Variants in OR6J1 observed in about 807,000 individuals in gnomAD.
OR6J1 encodes the protein olfactory receptor 6J1.
For synonymous variants in OR6J1, 109 were observed against 70.0 expected (o/e 1.56, Z -2.78); for missense variants, 304 against 166.8 (o/e 1.82, Z -4.53).
rs1237235504 is a variant in OR6J1, at chr14:22,631,495, G to T, written c.*2273C>A. The T allele has an allele frequency of 6.6e-6, 1 of 152,138 alleles. No homozygotes were observed. The highest frequency in any genetic ancestry group is 1.9e-4 in the East Asian group (1 of 5,198). The allele number at this position is 152,138 out of a possible 1,614,324, so 9.4% of individuals were successfully genotyped here. On this transcript the variant is annotated 3_prime_UTR_variant, in exon 2 of 2. Transcript: ENST00000540461. ...GCTCTGTTCCCCCCGGCTCACCAGCGGTCAGAGTTTAAGGTTGTCTCTCTT... is the reference window on the plus strand; with the variant it reads ...GCTCTGTTCCCCCCGGCTCACCAGCTGTCAGAGTTTAAGGTTGTCTCTCTT...
rs941266408 is a variant in OR6J1 at position 22,632,582 on chromosome 14, A to C, written c.*1186T>G. On this transcript the variant is annotated 3_prime_UTR_variant, in exon 2 of 2. Transcript: ENST00000540461. Reference sequence around the variant, plus strand: ...CTCCGTCTCAAAACAAAAACAAAACAGATTCTTTCCAGGTGTATGGAGCCA... The same window carrying C: ...CTCCGTCTCAAAACAAAAACAAAACCGATTCTTTCCAGGTGTATGGAGCCA... 1 of 152,274 alleles carries C rather than the reference A, an allele frequency of 6.6e-6. No homozygotes were observed. The highest frequency in any genetic ancestry group is 2.4e-5 in the African/African-American group (1 of 41,436). 9.4% of individuals were successfully genotyped at this position (152,274 alleles called of 1,614,324 possible). A position where few individuals can be genotyped will look rare whatever the true frequency, so the allele number is the denominator to read the frequency against.
intron 1 of OR6J1, among the ~76,000 whole-genome samples, chr14:22,641,714 A>C (rs1173576597): frequency 6.6e-6 from 1 of 152,210 alleles, no homozygotes; most frequent in African/African-American, 2.4e-5. Flanking sequence ...TGGTAAAAAA[A>C]ATTGCATGCC....
intron 1 of OR6J1, 136 bp downstream of exon 1, chr14:22,643,962 C>T (rs2037672231): frequency 6.6e-6 from 1 of 152,164 alleles, no homozygotes; most frequent in South Asian, 2.1e-4. Flanking sequence ...GGTGCAACTG[C>T]ACCCACTGGA....
rs1470345317 is a variant in OR6J1 at position 22,632,402 on chromosome 14, C to A, written c.*1366G>T. 6.6e-6 allele frequency: 1 copy of A among 152,192 alleles called. No individual in the cohort carries two copies. Among genetic ancestry groups the A allele is most frequent in the African/African-American group, 2.4e-5 (1 of 41,410 alleles). 9.4% of individuals were successfully genotyped at this position (152,192 alleles called of 1,614,324 possible). A position where few individuals can be genotyped will look rare whatever the true frequency, so the allele number is the denominator to read the frequency against. On this transcript the variant is annotated 3_prime_UTR_variant, in exon 2 of 2. Coordinates refer to ENST00000540461, the MANE Select transcript of OR6J1 (RefSeq NM_001348233.2). ...CTAACACAGTGAAGCCCCATCTCTA[C>A]TAAAAATACAAAAATTAGCCAGGCA...
Position 22,634,079 on chromosome 14 carries a change from T to C in OR6J1, c.733A>G (p.Thr245Ala). Residue 245 changes from threonine to alanine, a missense_variant, in exon 2 of 2, where the codon ACC (threonine) becomes GCC (alanine). Coordinates refer to ENST00000540461, the MANE Select transcript of OR6J1 (RefSeq NM_001348233.2). ...ATGCCACTAGAAATGATGACTATGG[T>C]CAGGTGGGAAGCACAGGTATTAAAG... ...KAFNTCASHL[T>A]IVIISSGITV... is the part of the protein sequence containing the mutation. 1 of 703,012 alleles carries C rather than the reference T, an allele frequency of 1.4e-6. No homozygotes were observed. The highest frequency in any genetic ancestry group is 1.5e-5 in the South Asian group (1 of 67,586). The allele number at this position is 703,012 out of a possible 1,614,324, so 43.5% of individuals were successfully genotyped here.
Position 22,634,767 on chromosome 14 carries a change from C to T in OR6J1, c.45G>A (p.Gly15=). 1 of 702,684 alleles carries T rather than the reference C, an allele frequency of 1.4e-6. No homozygotes were observed. Among genetic ancestry groups the T allele is most frequent in the Non-Finnish European group, 2.6e-6 (1 of 384,512 alleles). 43.5% of individuals were successfully genotyped at this position (702,684 alleles called of 1,614,324 possible). A position where few individuals can be genotyped will look rare whatever the true frequency, so the allele number is the denominator to read the frequency against. ...TAAVTEFVLL[G]FSLSREVELL... is the part of the protein sequence containing the mutation. Reference sequence around the variant, plus strand: ...GCTCCACCTCCCTGCTCAGGGAAAACCCCAGCAGAACAAACTCAGTCACCG... The same window carrying T: ...GCTCCACCTCCCTGCTCAGGGAAAATCCCAGCAGAACAAACTCAGTCACCG... The change falls in exon 2 of 2, where the codon GGG becomes GGA. Residue 15 remains glycine (G), a synonymous_variant. Transcript: ENST00000540461.
In OR6J1 at chr14:22,631,207, G is replaced by A. The variant is rs1382251641; in HGVS notation, c.*2561C>T. On this transcript the variant is annotated 3_prime_UTR_variant, in exon 2 of 2. Coordinates refer to ENST00000540461, the MANE Select transcript of OR6J1 (RefSeq NM_001348233.2). ...ATTGTCATTGATAACATCTTATCAG[G>A]AGACAGGGTTTTGAGAGCAACCAGT... is the stretch of plus-strand genomic sequence containing the variant. 1 of 152,140 alleles carries A rather than the reference G, an allele frequency of 6.6e-6. No individual in the cohort carries two copies. Among genetic ancestry groups the A allele is most frequent in the Non-Finnish European group, 1.5e-5 (1 of 68,036 alleles). The allele number at this position is 152,140 out of a possible 1,614,324, so 9.4% of individuals were successfully genotyped here. A position where few individuals can be genotyped will look rare whatever the true frequency, so the allele number is the denominator to read the frequency against.
At chr14:22,640,168 T>G (rs2037632332) in intron 1 of OR6J1, among the ~76,000 whole-genome samples, 1 of 131,802 alleles carries the variant, frequency 7.6e-6, no homozygotes, top group Non-Finnish European at 1.6e-5. Flanking sequence ...CAAGAATATG[T>G]ATAGGGAAGG....
rs535787494 is a variant in OR6J1 at position 22,641,282 on chromosome 14, A to G, written c.-28+2816T>C. ...GAAAGAAAGAAAGGAAGGAAGGAAG[A>G]AAGAGAAGAAAGAGAGACAGAGAGG... On this transcript the variant is annotated intron_variant, in intron 1 of 1. Transcript: ENST00000540461. Among the ~76,000 whole-genome samples the G allele has an allele frequency of 2.1e-3, 155 of 73,756 alleles. 3 individuals carry two copies. The highest frequency in any genetic ancestry group is 0.017 in the Admixed American group (129 of 7,774). The allele number at this position is 73,756 out of a possible 152,430, so 48.4% of individuals were successfully genotyped here.
Position 22,643,764 on chromosome 14 carries a change from C to CACACAG in OR6J1, c.-28+333_-28+334insCTGTGT, listed in dbSNP as rs1466950724. Among the ~76,000 whole-genome samples the CACACAG allele has an allele frequency of 8.8e-3, 331 of 37,712 alleles. 3 individuals are homozygous for CACACAG. Among genetic ancestry groups the CACACAG allele is most frequent in the Non-Finnish European group, 0.012 (239 of 19,712 alleles). 24.7% of individuals were successfully genotyped at this position (37,712 alleles called of 152,430 possible). ...ACACACACACACACACACACACACA[C>CACACAG]AGAGAGAGAGAGAGAGAGAGAGAGA... On this transcript the variant is annotated intron_variant, in intron 1 of 1. Coordinates refer to ENST00000540461, the MANE Select transcript of OR6J1 (RefSeq NM_001348233.2).
intron 1 of OR6J1, among the ~76,000 whole-genome samples, chr14:22,638,128 G>C (rs1272284082): frequency 2.3e-5 from 2 of 87,780 alleles, no homozygotes; most frequent in Non-Finnish European, 4.3e-5. Context: ...CCCTCTGCCC[G>C]GCCACGACCC....
chr14:22,638,593 A>G lies in OR6J1; in HGVS notation c.-27-3755T>C, dbSNP rs1463922164. ...TTTATCTGCTGACCTTCCCTCCACTATTGTCCTATGACCCTGCCAAATCCC... is the reference window on the plus strand; with the variant it reads ...TTTATCTGCTGACCTTCCCTCCACTGTTGTCCTATGACCCTGCCAAATCCC... On this transcript the variant is annotated intron_variant, in intron 1 of 1. Transcript: ENST00000540461. Among the ~76,000 whole-genome samples the G allele has an allele frequency of 3.9e-5, 3 of 77,518 alleles. 1 individual carries two copies. The highest frequency in any genetic ancestry group is 1.1e-4 in the Admixed American group (1 of 9,188). The allele number at this position is 77,518 out of a possible 152,430, so 50.9% of individuals were successfully genotyped here. A position where few individuals can be genotyped will look rare whatever the true frequency, so the allele number is the denominator to read the frequency against.
rs182880298 is a variant in OR6J1 at position 22,642,257 on chromosome 14, A to G, written c.-28+1841T>C. On this transcript the variant is annotated intron_variant, in intron 1 of 1. Transcript: ENST00000540461. ...TCCACCCATTTAAAATATACAATTC[A>G]ATAGCTTTTAGTGTATTCACAAAAC... Among the ~76,000 whole-genome samples, 296 of 148,898 alleles carry G rather than the reference A, an allele frequency of 2.0e-3. 8 individuals are homozygous for G. Among genetic ancestry groups the G allele is most frequent in the Admixed American group, 0.02 (293 of 14,910 alleles).
chr14:22,634,927 A>G (rs2037573696), intron 1 of OR6J1, 89 bp from the exon 2 acceptor site: 1 of 585,478 alleles, frequency 1.7e-6, no homozygotes, highest in South Asian at 2.1e-5. Context: ...AACATAGAAC[A>G]TGATGACTGC....
In OR6J1 at chr14:22,634,052, T is replaced by C; in HGVS notation, c.760A>G (p.Thr254Ala). 1.4e-6 allele frequency: 1 copy of C among 702,840 alleles called. No homozygotes were observed. The highest frequency in any genetic ancestry group is 2.3e-4 in the Middle Eastern group (1 of 4,362). 43.5% of individuals were successfully genotyped at this position (702,840 alleles called of 1,614,324 possible). ...GAGGGAGTCACATAGATAAACACAG[T>C]GATGCCACTAGAAATGATGACTATG... is the stretch of plus-strand genomic sequence containing the variant. ...LTIVIISSGI[T>A]VFIYVTPSQK... Residue 254 changes from threonine (T) to alanine (A), a missense_variant, in exon 2 of 2, where the codon ACT (threonine) becomes GCT (alanine). Coordinates refer to ENST00000540461, the MANE Select transcript of OR6J1 (RefSeq NM_001348233.2).
rs1475790606 is a variant in OR6J1 at position 22,632,627 on chromosome 14, C to T, written c.*1141G>A. On this transcript the variant is annotated 3_prime_UTR_variant, in exon 2 of 2. Transcript: ENST00000540461. ...GAGCCAGAAAAGGGGAGAAGCTATG[C>T]CTTGTGGAGAGATAATGAACTTTGT... The T allele has an allele frequency of 6.6e-6, 1 of 152,172 alleles. No homozygotes were observed. Among genetic ancestry groups the T allele is most frequent in the Non-Finnish European group, 1.5e-5 (1 of 68,056 alleles). The allele number at this position is 152,172 out of a possible 1,614,324, so 9.4% of individuals were successfully genotyped here. A position where few individuals can be genotyped will look rare whatever the true frequency, so the allele number is the denominator to read the frequency against.
chr14:22,635,110 C>T (rs2037574889), intron 1 of OR6J1, among the ~76,000 whole-genome samples: 1 of 152,134 alleles, frequency 6.6e-6, no homozygotes, highest in African/African-American at 2.4e-5. Context: ...GTGTCAAAAA[C>T]CTTAAAATTA....
At chr14:22,638,750 C>A (rs1361602305) in intron 1 of OR6J1, among the ~76,000 whole-genome samples, 2 of 152,016 alleles carry the variant, frequency 1.3e-5, no homozygotes, top group African/African-American at 4.8e-5. Context: ...ATGACAATAA[C>A]AAGTGTTGAC....
In OR6J1 at chr14:22,638,664, TA is replaced by T. The variant is rs1224047754; in HGVS notation, c.-27-3827del. Among the ~76,000 whole-genome samples the T allele has an allele frequency of 6.4e-3, 198 of 30,996 alleles. 17 individuals carry two copies. The highest frequency in any genetic ancestry group is 7.2e-3 in the Admixed American group (37 of 5,158). The allele number at this position is 30,996 out of a possible 152,430, so 20.3% of individuals were successfully genotyped here. A position where few individuals can be genotyped will look rare whatever the true frequency, so the allele number is the denominator to read the frequency against. ...GAATGATCAATAAAAAAAATAAAAA[TA>T]AAAAAAAAATAAAAAAAATTAAGAC... On this transcript the variant is annotated intron_variant, in intron 1 of 1. Transcript: ENST00000540461.
Sources: gnomAD v4.1 joint callset for allele counts (sites outside exome capture counted in the v4.1 genomes callset) on GRCh38, gnomAD v4.1.1 for gene constraint, MANE v1.5 for transcripts, NCBI Gene and HGNC (gene_info 2026-07-23, HGNC 2026-07-21) for gene names.